The following SCN1A variants were observed in gnomAD, a reference collection of about 807,000 sequenced individuals.
SCN1A encodes the protein sodium channel protein type 1 subunit alpha.
In SCN1A, 13 loss-of-function variants were observed where a neutral mutation model predicts 193.7. The observed-to-expected ratio is 0.07, with a 90% CI of 0.04 to 0.11. The LOEUF is 0.11. Ranked by LOEUF, SCN1A falls within the 10% of genes least tolerant of loss-of-function variation. The pLI is 1.00. For missense variants in SCN1A, 1,432 were observed against 2,451.1 expected, an observed-to-expected ratio of 0.58 and a Z score of 8.78; for synonymous variants, 781 against 843.6, an observed-to-expected ratio of 0.93 and a Z score of 1.29.
chr2:166,126,724 C>T (rs1448760232), intron 2 of SCN1A, among the ~76,000 whole-genome samples, 200 bp downstream of exon 2: 2 of 152,170 alleles, frequency 1.3e-5, no homozygotes, highest in Non-Finnish European at 2.9e-5. Flanking sequence ...AAGTTTGCTA[C>T]TGCACTCAGA....
rs558982764 is a variant in SCN1A, at chr2:165,997,061, T to C, written c.4477-944A>G. ...GGCATGGGTGTTCATACACTGATAT[T>C]GGGAGTTTGAGTAGTTATATTACTC... On this transcript the variant is annotated intron_variant, in intron 26 of 28. Coordinates refer to ENST00000674923, the MANE Select transcript of SCN1A (RefSeq NM_001165963.4). 1.3e-3 allele frequency among the ~76,000 whole-genome samples: 199 copies of C among 151,476 alleles called. 2 individuals carry two copies. The South Asian group carries it at 0.04, about 31-fold the overall frequency.
At chr2:166,109,796 T>C (rs551531003) in intron 2 of SCN1A, among the ~76,000 whole-genome samples, 1 of 152,230 alleles carries the variant, frequency 6.6e-6, no homozygotes, top group Admixed American at 6.6e-5. Flanking sequence ...TCTCTTCCTC[T>C]CCTTGGGCTT....
intron 2 of SCN1A, among the ~76,000 whole-genome samples, chr2:166,121,652 G>A: frequency 6.6e-6 from 1 of 152,074 alleles, no homozygotes; most frequent in African/African-American, 2.4e-5. Context: ...TAGGAGGAGG[G>A]TATGAATAAT....
chr2:165,992,089 A>G lies in SCN1A; in HGVS notation c.5186T>C (p.Leu1729Ser). The G allele has an allele frequency of 6.2e-7, 1 of 1,613,938 alleles. No individual in the cohort carries two copies. The highest frequency in any genetic ancestry group is 8.5e-7 in the Non-Finnish European group (1 of 1,179,918). Reference protein sequence around the residue: ...QITTSAGWDGLLAPILNSKPP... With the variant: ...QITTSAGWDGSLAPILNSKPP... Reference sequence around the variant, plus strand: ...CTTACTGTTGAGAATGGGTGCTAGCAATCCATCCCAGCCAGCAGAGGTTGT... The same window carrying G: ...CTTACTGTTGAGAATGGGTGCTAGCGATCCATCCCAGCCAGCAGAGGTTGT... Residue 1729 changes from leucine to serine, a missense_variant, in exon 29 of 29, where the codon TTG becomes TCG. Coordinates refer to ENST00000674923, the MANE Select transcript of SCN1A (RefSeq NM_001165963.4). The surrounding 1 kb of genome is among the most constrained non-coding windows in gnomAD (Gnocchi z 6.5).
chr2:166,097,500 A>T (rs770933998), intron 2 of SCN1A, among the ~76,000 whole-genome samples: 3 of 152,134 alleles, frequency 2.0e-5, no homozygotes, highest in East Asian at 1.9e-4. Context: ...CTATATGTTT[A>T]AAAAAATGCT....
chr2:165,995,027 C>T (rs1020414707), intron 27 of SCN1A, among the ~76,000 whole-genome samples: 1 of 151,786 alleles, frequency 6.6e-6, no homozygotes, highest in Admixed American at 6.6e-5. Context: ...ATGACATTTC[C>T]TATATGTTTA....
At chr2:166,053,909 T>C (rs754463577) in intron 7 of SCN1A, among the ~76,000 whole-genome samples, 27 of 151,940 alleles carry the variant, frequency 1.8e-4, no homozygotes, top group South Asian at 1.5e-3. Flanking sequence ...AAAAAAAGCA[T>C]TGGGGTGCAT....
At chr2:166,144,983 C>G (rs1244976753) in intron 1 of SCN1A, among the ~76,000 whole-genome samples, 6 of 151,616 alleles carry the variant, frequency 4.0e-5, no homozygotes, top group African/African-American at 1.5e-4. Context: ...TTCTGAGTAG[C>G]GCACCACCAT....
chr2:166,130,513 G>A (rs560065196), upstream of SCN1A, among the ~76,000 whole-genome samples: 30 of 152,176 alleles, frequency 2.0e-4, no homozygotes, highest in Admixed American at 3.9e-4. Context: ...CAAATTCGGC[G>A]GATATTTTAA....
chr2:166,087,917 T>C (rs1446068170), intron 2 of SCN1A, among the ~76,000 whole-genome samples: 4 of 152,216 alleles, frequency 2.6e-5, no homozygotes, highest in Admixed American at 6.5e-5. Flanking sequence ...TCTTCTTGGA[T>C]CTTTACTTGG....
intron 2 of SCN1A, among the ~76,000 whole-genome samples, chr2:166,109,967 G>A (rs1007591945): frequency 3.9e-5 from 6 of 152,036 alleles, no homozygotes; most frequent in Admixed American, 2.6e-4. Context: ...TAACACAACA[G>A]TTATCACAGT....
intron 19 of SCN1A, among the ~76,000 whole-genome samples, chr2:166,035,380 T>C (rs1254583655): frequency 6.6e-6 from 1 of 152,198 alleles, no homozygotes; most frequent in East Asian, 1.9e-4. Flanking sequence ...TATACTATAT[T>C]ACCCTTTAAT....
intron 24 of SCN1A, 69 bp downstream of exon 24, chr2:166,002,403 A>G: frequency 7.1e-7 from 1 of 1,415,944 alleles, no homozygotes; most frequent in Non-Finnish European, 9.8e-7. Context: ...ACTAAATAAT[A>G]GATGTATGTC....
chr2:166,145,437 G>T (rs1047546479), intron 1 of SCN1A, among the ~76,000 whole-genome samples: 1 of 151,886 alleles, frequency 6.6e-6, no homozygotes, highest in Non-Finnish European at 1.5e-5. Flanking sequence ...TCTTATATTA[G>T]GTTCCTTAAT....
At chr2:166,050,286 A>G (rs1698384919) in intron 9 of SCN1A, among the ~76,000 whole-genome samples, 1 of 151,802 alleles carries the variant, frequency 6.6e-6, no homozygotes, top group Non-Finnish European at 1.5e-5. Context: ...TAATTTTAAT[A>G]AATTTAATTT....
intron 1 of SCN1A, among the ~76,000 whole-genome samples, chr2:166,137,335 A>C (rs1372719587): frequency 6.6e-6 from 1 of 152,198 alleles, no homozygotes; most frequent in African/African-American, 2.4e-5. Context: ...TACAGTGCCT[A>C]GTATATGGTA....
At position 165,987,316 on chromosome 2, in the gene SCN1A, T is replaced by A. The variant is rs1159424187; in HGVS notation, c.*3929A>T. ...CTTTGAAGGTATTGTCTGCTGTATTTCTCCAAAGTATACTTTCTTCTGTTT... is the reference window on the plus strand; with the variant it reads ...CTTTGAAGGTATTGTCTGCTGTATTACTCCAAAGTATACTTTCTTCTGTTT... On this transcript the variant is annotated 3_prime_UTR_variant, in exon 29 of 29. Coordinates refer to ENST00000674923, the MANE Select transcript of SCN1A (RefSeq NM_001165963.4). 6.6e-6 allele frequency: 1 copy of A among 152,180 alleles called. No homozygotes were observed. Among genetic ancestry groups the A allele is most frequent in the Non-Finnish European group, 1.5e-5 (1 of 68,032 alleles). The allele number at this position is 152,180 out of a possible 1,614,324, so 9.4% of individuals were successfully genotyped here. A position where few individuals can be genotyped will look rare whatever the true frequency, so the allele number is the denominator to read the frequency against.
At chr2:166,125,427 TTG>T (rs1233865835) in intron 2 of SCN1A, among the ~76,000 whole-genome samples, 2 of 152,192 alleles carry the variant, frequency 1.3e-5, no homozygotes, top group Non-Finnish European at 2.9e-5. Context: ...AGGGATGCTT[TTG>T]TGTGTCACTG....
intron 2 of SCN1A, among the ~76,000 whole-genome samples, chr2:166,078,519 T>G (rs1685197222): frequency 6.6e-6 from 1 of 151,598 alleles, no homozygotes; most frequent in Non-Finnish European, 1.5e-5. Context: ...ATTTTTGGCT[T>G]AATTTTGCTG....
Sources: allele counts gnomAD v4.1 joint callset (sites outside exome capture counted in the v4.1 genomes callset), GRCh38; gene constraint gnomAD v4.1.1; non-coding constraint Gnocchi (gnomAD v3.1); transcripts MANE v1.5; gene names NCBI Gene and HGNC (gene_info 2026-07-23, HGNC 2026-07-21).